ZNF365: variants seen among roughly 807,000 people sequenced by gnomAD.
ZNF365 encodes zinc finger protein 365.
A neutral mutation model predicts 35.0 loss-of-function variants in ZNF365; 22 were observed. That is an observed-to-expected ratio of 0.63 (90% CI 0.45 to 0.90). The LOEUF is 0.90. Among genes scored for constraint, ZNF365 ranks in the 40% least tolerant of loss-of-function variants. The pLI is 0.00. For synonymous variants in ZNF365, 188 were observed against 196.2 expected (o/e 0.96, Z 0.35); for missense variants, 448 against 500.3 (o/e 0.90, Z 1.00).
intron 2 of ZNF365, among the ~76,000 whole-genome samples, chr10:62,385,202 A>G (rs1839506730): frequency 6.6e-6 from 1 of 152,230 alleles, no homozygotes; most frequent in African/African-American, 2.4e-5. Context: ...ATACATCTAC[A>G]AACTGAAATT....
chr10:62,384,122 T>TAAA (rs547364711), intron 2 of ZNF365, among the ~76,000 whole-genome samples: 1 of 137,720 alleles, frequency 7.3e-6, no homozygotes, highest in African/African-American at 2.6e-5. Context: ...TTTTTTTTTT[T>TAAA]AAATAAAGAA....
intron 2 of ZNF365, among the ~76,000 whole-genome samples, chr10:62,384,497 A>G (rs1564568330): frequency 1.3e-5 from 2 of 152,256 alleles, no homozygotes; most frequent in Admixed American, 6.5e-5. Context: ...CCCAAAAATA[A>G]TTTAGTGAAA....
intron 3 of ZNF365, among the ~76,000 whole-genome samples, chr10:62,410,708 A>C (rs1212884015): frequency 6.6e-6 from 1 of 152,046 alleles, no homozygotes. Context: ...ATTCCTTTTT[A>C]TGGCTGTATA....
At chr10:62,409,446 C>G (rs1181456826) in intron 3 of ZNF365, among the ~76,000 whole-genome samples, 1 of 152,116 alleles carries the variant, frequency 6.6e-6, no homozygotes, top group Non-Finnish European at 1.5e-5. Flanking sequence ...TCTCTGTTGC[C>G]TGCAACTAAG....
At chr10:62,427,662 C>T (rs892615500) in intron 3 of ZNF365, among the ~76,000 whole-genome samples, 4 of 152,074 alleles carry the variant, frequency 2.6e-5, no homozygotes, top group Admixed American at 1.3e-4. Context: ...TTGGTACTTG[C>T]GTATTTGCAT....
chr10:62,463,728 A>T (rs1840885787), intron 4 of ZNF365, among the ~76,000 whole-genome samples: 1 of 152,226 alleles, frequency 6.6e-6, no homozygotes, highest in South Asian at 2.1e-4. Flanking sequence ...GCTTTGCAAA[A>T]TGCAGGAACA....
At chr10:62,463,458 A>T (rs1250137763) in intron 4 of ZNF365, among the ~76,000 whole-genome samples, 2 of 152,218 alleles carry the variant, frequency 1.3e-5, no homozygotes. Context: ...AATGTTGAAA[A>T]GCTCCCTCAC....
chr10:62,451,721 T>G (rs1035787777), intron 3 of ZNF365, among the ~76,000 whole-genome samples: 5 of 152,204 alleles, frequency 3.3e-5, no homozygotes, highest in Non-Finnish European at 5.9e-5. Flanking sequence ...CCCAGCTCAA[T>G]AATGCCCATC....
intron 4 of ZNF365, among the ~76,000 whole-genome samples, chr10:62,474,346 T>G (rs376140126): frequency 6.6e-6 from 1 of 152,210 alleles, no homozygotes; most frequent in Non-Finnish European, 1.5e-5. Context: ...GATTTCTGGA[T>G]GGAGTTGCTG....
chr10:62,449,486 C>T (rs1055654639), intron 3 of ZNF365, among the ~76,000 whole-genome samples: 2 of 152,238 alleles, frequency 1.3e-5, no homozygotes, highest in South Asian at 4.1e-4. Flanking sequence ...ACAAATCTTA[C>T]AATCTGGAGC....
chr10:62,448,454 A>G (rs1265273830), intron 3 of ZNF365, among the ~76,000 whole-genome samples: 1 of 152,200 alleles, frequency 6.6e-6, no homozygotes, highest in Non-Finnish European at 1.5e-5. Context: ...GAGAGATAAA[A>G]ATAATGTCGA....
intron 3 of ZNF365, among the ~76,000 whole-genome samples, chr10:62,433,773 A>G (rs2132458496): frequency 6.6e-6 from 1 of 152,336 alleles, no homozygotes; most frequent in Non-Finnish European, 1.5e-5. Context: ...CACAACAAGG[A>G]AATATTGAAA....
intron 4 of ZNF365, among the ~76,000 whole-genome samples, chr10:62,463,235 G>A (rs1327048492): frequency 6.6e-6 from 1 of 152,196 alleles, no homozygotes; most frequent in Non-Finnish European, 1.5e-5. Context: ...TCCCATCCAA[G>A]TCATGGTGCT....
chr10:62,461,412 T>C (rs898868018), intron 4 of ZNF365, among the ~76,000 whole-genome samples: 4 of 152,212 alleles, frequency 2.6e-5, no homozygotes, highest in African/African-American at 4.8e-5. Context: ...AAATCTTGTC[T>C]GAACAGGGAA....
chr10:62,391,544 T>A (rs1839629231), intron 3 of ZNF365, among the ~76,000 whole-genome samples: 1 of 152,272 alleles, frequency 6.6e-6, no homozygotes, highest in African/African-American at 2.4e-5. Flanking sequence ...CGGTCTCCAG[T>A]TCCATCCACG....
chr10:62,411,270 G>T (rs922723567), intron 3 of ZNF365, among the ~76,000 whole-genome samples: 3 of 152,102 alleles, frequency 2.0e-5, no homozygotes, highest in Non-Finnish European at 4.4e-5. Flanking sequence ...CTGTGCAGAA[G>T]CTCTTTAGTT....
At chr10:62,425,356 A>G (rs1055536838) in intron 3 of ZNF365, among the ~76,000 whole-genome samples, 2 of 152,182 alleles carry the variant, frequency 1.3e-5, no homozygotes, top group Admixed American at 6.5e-5. Flanking sequence ...CTCAATATAA[A>G]CAAAATAACA....
intron 3 of ZNF365, among the ~76,000 whole-genome samples, chr10:62,421,739 C>T (rs1840171992): frequency 6.6e-6 from 1 of 152,158 alleles, no homozygotes; most frequent in South Asian, 2.1e-4. Context: ...TCAGTGCCAC[C>T]ATCAAAATCT....
rs902949004 is a variant in ZNF365 at position 62,400,754 on chromosome 10, T to A, written c.*965T>A. 7 of 985,596 alleles carry A rather than the reference T, an allele frequency of 7.1e-6. No individual in the cohort carries two copies. In the African/African-American group the frequency reaches 1.2e-4, roughly 17 times the overall value. The allele number at this position is 985,596 out of a possible 1,614,324, so 61.1% of individuals were successfully genotyped here. A position where few individuals can be genotyped will look rare whatever the true frequency, so the allele number is the denominator to read the frequency against. ...TCTCTCTCTCTGCTATGGGCATGAC[T>A]TTCTCTTCGCTGGCTTAACTTTTCC... On this transcript the variant is annotated 3_prime_UTR_variant, in exon 5 of 5. Transcript: ENST00000395254.
Sources: gnomAD v4.1 joint callset for allele counts (sites outside exome capture counted in the v4.1 genomes callset) on GRCh38, gnomAD v4.1.1 for gene constraint, MANE v1.5 for transcripts, NCBI Gene and HGNC (gene_info 2026-07-23, HGNC 2026-07-21) for gene names.